The following ZFP1 variants were observed in gnomAD, a reference collection of about 807,000 sequenced individuals.
The protein encoded by ZFP1 is zinc finger protein 1 homolog.
In ZFP1, 32 loss-of-function variants were observed where a neutral mutation model predicts 38.5. The observed-to-expected ratio is 0.83, with a 90% CI of 0.63 to 1.12. The LOEUF is 1.12. ZFP1 is among the 50% of genes most tolerant of loss of function. The pLI is 0.00. For synonymous variants in ZFP1, 245 were observed against 168.8 expected, an observed-to-expected ratio of 1.45 and a Z score of -3.50; for missense variants, 616 against 480.8, an observed-to-expected ratio of 1.28 and a Z score of -2.63.
chr16:75,158,549 TC>T, intron 2 of ZFP1, among the ~76,000 whole-genome samples: 1 of 151,704 alleles, frequency 6.6e-6, no homozygotes, highest in South Asian at 2.1e-4. Context: ...AGATCTTGCC[TC>T]CCAAAGGGCT....
chr16:75,156,448 C>T (rs988499569), intron 2 of ZFP1, among the ~76,000 whole-genome samples: 2 of 130,212 alleles, frequency 1.5e-5, no homozygotes, highest in African/African-American at 5.7e-5. Flanking sequence ...CAGAGTAAGA[C>T]TCTGTCTCAG....
intron 2 of ZFP1, among the ~76,000 whole-genome samples, chr16:75,164,860 C>G (rs1439629156): frequency 6.6e-6 from 1 of 151,468 alleles, no homozygotes; most frequent in African/African-American, 2.4e-5. Flanking sequence ...GGATGGAGTG[C>G]AATGGCACGA....
At chr16:75,160,465 TAACCCCATCTGTACTA>T (rs980845576) in intron 2 of ZFP1, among the ~76,000 whole-genome samples, 22 of 151,606 alleles carry the variant, frequency 1.5e-4, no homozygotes, top group African/African-American at 4.4e-4. Context: ...GTGTGGTGGC[TAACCCCATCTGTACTA>T]AACCCCATCT....
At chr16:75,157,456 C>G (rs1225926358) in intron 2 of ZFP1, among the ~76,000 whole-genome samples, 1 of 151,886 alleles carries the variant, frequency 6.6e-6, no homozygotes, top group African/African-American at 2.4e-5. Flanking sequence ...GTTGGCCAGG[C>G]TGGTCTTGAA....
At chr16:75,168,882 G>A (rs139634105) in intron 3 of ZFP1, among the ~76,000 whole-genome samples, 2 of 152,024 alleles carry the variant, frequency 1.3e-5, no homozygotes, top group East Asian at 1.9e-4. Flanking sequence ...TTACTTTCTC[G>A]GTCTCTGTGC....
the ZFP1 span, among the ~76,000 whole-genome samples, chr16:75,127,629 G>C: frequency 6.6e-6 from 1 of 152,082 alleles, no homozygotes; most frequent in African/African-American, 2.4e-5. Context: ...CCTAACAGGT[G>C]CTCTTGAATG....
At position 75,171,038 on chromosome 16, in the gene ZFP1, G is replaced by T. The variant is rs141649841; in HGVS notation, c.*704G>T. The stretch of plus-strand genomic sequence containing the variant: ...ACAAATATGCAAATGTGAAATAACC[G>T]ATCTATAACGTGAAGGAGGCAGACA... On this transcript the variant is annotated 3_prime_UTR_variant, in exon 4 of 4. Coordinates refer to ENST00000570010, the MANE Select transcript of ZFP1 (RefSeq NM_153688.4). The T allele has an allele frequency of 2.6e-5, 1 of 38,108 alleles. No homozygotes were observed. The highest frequency in any genetic ancestry group is 8.8e-4 in the East Asian group (1 of 1,134). 2.4% of individuals were successfully genotyped at this position (38,108 alleles called of 1,614,324 possible).
intron 1 of ZFP1, among the ~76,000 whole-genome samples, chr16:75,151,622 C>CT (rs2037206909): frequency 6.6e-6 from 1 of 152,126 alleles, no homozygotes; most frequent in Non-Finnish European, 1.5e-5. Context: ...ATCCTCCCGT[C>CT]TTTTGCATTA....
At chr16:75,128,954 C>T in the ZFP1 span, among the ~76,000 whole-genome samples, 2 of 152,096 alleles carry the variant, frequency 1.3e-5, no homozygotes, top group African/African-American at 4.8e-5. Context: ...CCACGCCTGG[C>T]TAATTTTGTA....
the ZFP1 span, among the ~76,000 whole-genome samples, chr16:75,133,184 C>T: frequency 6.6e-6 from 1 of 152,074 alleles, no homozygotes; most frequent in African/African-American, 2.4e-5. Context: ...GCCATGTTGG[C>T]CAGGCTGGTC....
the ZFP1 span, among the ~76,000 whole-genome samples, chr16:75,141,981 G>C: frequency 1.3e-5 from 2 of 150,662 alleles, no homozygotes; most frequent in Non-Finnish European, 3.0e-5. Flanking sequence ...TTGAACCCAG[G>C]AGGCAGACAT....
chr16:75,125,465 G>A, the ZFP1 span, among the ~76,000 whole-genome samples: 1 of 151,986 alleles, frequency 6.6e-6, no homozygotes, highest in Admixed American at 6.6e-5. Context: ...TAGGATTACA[G>A]GCATGCACCA....
At chr16:75,155,022 C>A (rs1412797576) in intron 2 of ZFP1, among the ~76,000 whole-genome samples, 2 of 152,184 alleles carry the variant, frequency 1.3e-5, no homozygotes, top group East Asian at 3.8e-4. Context: ...TGGTCTCGAA[C>A]TCCTGGGCTC....
At chr16:75,119,128 C>T in the ZFP1 span, among the ~76,000 whole-genome samples, 1 of 152,178 alleles carries the variant, frequency 6.6e-6, no homozygotes, top group Non-Finnish European at 1.5e-5. Context: ...GAGGCTGTGT[C>T]ACACCATCAT....
the ZFP1 span, among the ~76,000 whole-genome samples, chr16:75,119,181 A>G: frequency 2.0e-5 from 3 of 152,176 alleles, no homozygotes; most frequent in Non-Finnish European, 4.4e-5. Context: ...GACCTTTCTC[A>G]GATTTGGGGG....
chr16:75,162,215 T>C (rs1267995784), intron 2 of ZFP1, among the ~76,000 whole-genome samples: 1 of 151,600 alleles, frequency 6.6e-6, no homozygotes, highest in Non-Finnish European at 1.5e-5. Context: ...CTGGACCTCC[T>C]TGGCTCAAGC....
At chr16:75,130,397 C>A in the ZFP1 span, among the ~76,000 whole-genome samples, 1 of 152,122 alleles carries the variant, frequency 6.6e-6, no homozygotes, top group Non-Finnish European at 1.5e-5. Context: ...TGGTCAGTGG[C>A]CTGCTAGCGC....
Position 75,171,526 on chromosome 16 carries a change from T to C in ZFP1, c.*1192T>C, listed in dbSNP as rs1425683780. 1 of 152,252 alleles carries C rather than the reference T, an allele frequency of 6.6e-6. No homozygotes were observed. The highest frequency in any genetic ancestry group is 1.9e-4 in the East Asian group (1 of 5,198). 9.4% of individuals were successfully genotyped at this position (152,252 alleles called of 1,614,324 possible). A position where few individuals can be genotyped will look rare whatever the true frequency, so the allele number is the denominator to read the frequency against. ...ACTTTTCCTTTACATGTTTACACTT[T>C]TATAAAAATCAGATTTTTCAGTGGT... On this transcript the variant is annotated 3_prime_UTR_variant, in exon 4 of 4. Coordinates refer to ENST00000570010, the MANE Select transcript of ZFP1 (RefSeq NM_153688.4).
At chr16:75,158,295 C>G (rs778848175) in intron 2 of ZFP1, among the ~76,000 whole-genome samples, 8 of 151,606 alleles carry the variant, frequency 5.3e-5, no homozygotes, top group Non-Finnish European at 1.2e-4. Flanking sequence ...ACACAGCTCA[C>G]TGCAGCCTCA....
Sources: gnomAD v4.1 joint callset for allele counts (sites outside exome capture counted in the v4.1 genomes callset) on GRCh38, gnomAD v4.1.1 for gene constraint, MANE v1.5 for transcripts, NCBI Gene and HGNC (gene_info 2026-07-23, HGNC 2026-07-21) for gene names.